Variants in REEP3 observed in about 807,000 individuals in gnomAD.
REEP3 encodes the protein receptor accessory protein 3.
REEP3 carries 20 observed loss-of-function variants against 41.3 expected under a neutral mutation model. The observed-to-expected ratio is 0.48, with a 90% CI of 0.34 to 0.70. The LOEUF is 0.70. Ranked by LOEUF, REEP3 falls within the 30% of genes least tolerant of loss-of-function variation. The pLI is 0.01. For synonymous variants in REEP3, 104 were observed against 101.8 expected (o/e 1.02, Z -0.13); for missense variants, 271 against 308.8 (o/e 0.88, Z 0.92).
intron 1 of REEP3, among the ~76,000 whole-genome samples, chr10:63,549,011 A>G (rs1027988471): frequency 6.6e-6 from 1 of 151,864 alleles, no homozygotes; most frequent in Non-Finnish European, 1.5e-5. Context: ...TGAGTTTATT[A>G]AAAAGTACAG....
chr10:63,566,407 A>G lies in REEP3; in HGVS notation c.102A>G (p.Glu34=). ...CTGTGAAAACAAAAAACGTGAAGGA[A>G]TATGTAAGTATAGTTTTATGAGTGA... The part of the protein sequence containing the change: ...YKAVKTKNVK[E]YVRWMMYWIV... The change falls in exon 2 of 8, where the codon GAA becomes GAG. Residue 34 remains glutamate, a synonymous_variant. Transcript: ENST00000373758. 6.8e-7 allele frequency: 1 copy of G among 1,470,606 alleles called. No homozygotes were observed. 91.1% of individuals were successfully genotyped at this position (1,470,606 alleles called of 1,614,324 possible). A position where few individuals can be genotyped will look rare whatever the true frequency, so the allele number is the denominator to read the frequency against.
Position 63,622,221 on chromosome 10 carries a change from G to GAT in REEP3, c.*1352_*1353insAT, listed in dbSNP as rs1956359594. On this transcript the variant is annotated 3_prime_UTR_variant, in exon 8 of 8. Coordinates refer to ENST00000373758, the MANE Select transcript of REEP3 (RefSeq NM_001001330.3). ...TAAAATGATGAGAGAGATTCGAGAGGTCTTTGATCTGTCTCCCTTTTAAGA... is the reference window on the plus strand; with the variant it reads ...TAAAATGATGAGAGAGATTCGAGAGGATTCTTTGATCTGTCTCCCTTTTAAGA... The GAT allele has an allele frequency of 6.6e-6, 1 of 152,066 alleles. No homozygotes were observed. The highest frequency in any genetic ancestry group is 1.5e-5 in the Non-Finnish European group (1 of 67,996). The allele number at this position is 152,066 out of a possible 1,614,324, so 9.4% of individuals were successfully genotyped here. A position where few individuals can be genotyped will look rare whatever the true frequency, so the allele number is the denominator to read the frequency against.
At chr10:63,594,077 G>A (rs1224575248) in intron 2 of REEP3, among the ~76,000 whole-genome samples, 1 of 151,878 alleles carries the variant, frequency 6.6e-6, no homozygotes. Context: ...TATTATTTAT[G>A]TAACAATTAA....
intron 6 of REEP3, 80 bp downstream of exon 6, chr10:63,610,414 G>A: frequency 1.5e-6 from 2 of 1,371,434 alleles, no homozygotes; most frequent in Non-Finnish European, 2.0e-6. Flanking sequence ...CCTGTCGGGG[G>A]GTGGGGCACA....
chr10:63,553,199 A>G (rs12254148), intron 1 of REEP3, among the ~76,000 whole-genome samples: 1 of 152,158 alleles, frequency 6.6e-6, no homozygotes, highest in Non-Finnish European at 1.5e-5. Flanking sequence ...GAAGAGCGAG[A>G]TTGTTCTAGC....
At chr10:63,578,496 G>A (rs1955917598) in intron 2 of REEP3, among the ~76,000 whole-genome samples, 1 of 152,146 alleles carries the variant, frequency 6.6e-6, no homozygotes, top group Admixed American at 6.5e-5. Flanking sequence ...ATATGGCCGG[G>A]CATGGTAGCT....
intron 5 of REEP3, among the ~76,000 whole-genome samples, chr10:63,603,608 C>T (rs780974619): frequency 6.6e-6 from 1 of 152,088 alleles, no homozygotes; most frequent in Non-Finnish European, 1.5e-5. Context: ...AAGCCCATAT[C>T]CCCTAAATGA....
chr10:63,597,686 C>T (rs887509443), intron 3 of REEP3, among the ~76,000 whole-genome samples: 10 of 151,866 alleles, frequency 6.6e-5, no homozygotes, highest in Non-Finnish European at 1.3e-4. Context: ...CCGAGGTGGG[C>T]GGATCACATG....
intron 1 of REEP3, among the ~76,000 whole-genome samples, chr10:63,531,503 A>G (rs1297125930): frequency 6.6e-6 from 1 of 152,216 alleles, no homozygotes. Context: ...AAAAATATAT[A>G]TGGAGAGGGC....
intron 1 of REEP3, among the ~76,000 whole-genome samples, chr10:63,565,121 A>G (rs1274422372): frequency 1.3e-5 from 2 of 152,128 alleles, no homozygotes; most frequent in African/African-American, 4.8e-5. Context: ...TTAGCCGGGC[A>G]TAGTGGCACA....
At chr10:63,604,244 G>A (rs1016659038) in intron 5 of REEP3, among the ~76,000 whole-genome samples, 2 of 152,132 alleles carry the variant, frequency 1.3e-5, no homozygotes, top group Admixed American at 1.3e-4. Flanking sequence ...GCATCTGTTC[G>A]CAAGGTCACT....
rs76569263 is a variant in REEP3, at chr10:63,608,347, C to T, written c.418-1840C>T. Among the ~76,000 whole-genome samples the T allele has an allele frequency of 1.0e-3, 152 of 152,210 alleles. 1 individual carries two copies. In the East Asian group the frequency reaches 0.029, roughly 29 times the overall value. ...ACAATTCAAAAATATGGTAGAAATA[C>T]GCAGCTCAAGTGGGATATGGAAATG... On this transcript the variant is annotated intron_variant, in intron 5 of 7. Coordinates refer to ENST00000373758, the MANE Select transcript of REEP3 (RefSeq NM_001001330.3).
Position 63,521,483 on chromosome 10 carries a change from C to A in REEP3, c.-63C>A. On this transcript the variant is annotated 5_prime_UTR_variant, in exon 1 of 8. Transcript: ENST00000373758. ...GGCGAAGCGCGCGGCCTGCCGTTGG[C>A]GGCCTGGTCCGCAGCGCCCTGCGCC... is the stretch of plus-strand genomic sequence containing the variant. 1 of 1,174,382 alleles carries A rather than the reference C, an allele frequency of 8.5e-7. No homozygotes were observed. Among genetic ancestry groups the A allele is most frequent in the South Asian group, 2.5e-5 (1 of 40,320 alleles). The allele number at this position is 1,174,382 out of a possible 1,614,324, so 72.7% of individuals were successfully genotyped here.
At chr10:63,530,246 CT>C (rs1955407860) in intron 1 of REEP3, among the ~76,000 whole-genome samples, 1 of 152,004 alleles carries the variant, frequency 6.6e-6, no homozygotes, top group Non-Finnish European at 1.5e-5. Flanking sequence ...ATTTTTCTTC[CT>C]TTATATGTGC....
At chr10:63,594,173 G>A (rs1228354757) in intron 2 of REEP3, among the ~76,000 whole-genome samples, 1 of 150,276 alleles carries the variant, frequency 6.7e-6, no homozygotes, top group Non-Finnish European at 1.5e-5. Context: ...AGCCCAAGGA[G>A]TCCGATACCA....
chr10:63,596,536 C>T (rs916953472), intron 3 of REEP3, among the ~76,000 whole-genome samples: 3 of 152,108 alleles, frequency 2.0e-5, no homozygotes, highest in Non-Finnish European at 4.4e-5. Context: ...CCCACCTTGA[C>T]AGAAGAACTC....
At chr10:63,619,998 G>C (rs1318640943) in intron 7 of REEP3, among the ~76,000 whole-genome samples, 198 bp downstream of exon 7, 1 of 147,764 alleles carries the variant, frequency 6.8e-6, no homozygotes, top group Admixed American at 6.8e-5. Flanking sequence ...AGTGCAGTGT[G>C]GCGTAATCAC....
chr10:63,616,877 AAAT>A (rs1167997847), intron 6 of REEP3, among the ~76,000 whole-genome samples: 1 of 152,236 alleles, frequency 6.6e-6, no homozygotes, highest in Non-Finnish European at 1.5e-5. Flanking sequence ...CATTTTTTAA[AAAT>A]AAGAATTTGG....
At chr10:63,547,343 T>G (rs1955588919) in intron 1 of REEP3, among the ~76,000 whole-genome samples, 1 of 152,086 alleles carries the variant, frequency 6.6e-6, no homozygotes, top group Non-Finnish European at 1.5e-5. Flanking sequence ...CTTCTCTTCA[T>G]CAAAGACACC....
Sources: gnomAD v4.1 joint callset for allele counts (sites outside exome capture counted in the v4.1 genomes callset) on GRCh38, gnomAD v4.1.1 for gene constraint, MANE v1.5 for transcripts, NCBI Gene and HGNC (gene_info 2026-07-23, HGNC 2026-07-21) for gene names.